Variants in STXBP5 observed in about 807,000 individuals in gnomAD.
STXBP5 encodes syntaxin binding protein 5.
STXBP5 carries 50 observed loss-of-function variants against 152.4 expected under a neutral mutation model. The ratio of observed to expected loss-of-function variants is 0.33; its 90% CI spans 0.26 to 0.42. The LOEUF is 0.42. Among genes scored for constraint, STXBP5 ranks in the 10% least tolerant of loss-of-function variants. The pLI is 1.00. For synonymous variants in STXBP5, 492 were observed against 494.7 expected, an observed-to-expected ratio of 0.99 and a Z score of 0.07; for missense variants, 1,167 against 1,388.6, an observed-to-expected ratio of 0.84 and a Z score of 2.54.
rs550360623 is a variant in STXBP5, at chr6:147,385,724, A to T, written c.*969A>T. On this transcript the variant is annotated 3_prime_UTR_variant, in exon 28 of 28. Transcript: ENST00000321680. The stretch of plus-strand genomic sequence containing the variant: ...TGTACCTTTGCATTCTTTAATTAAA[A>T]TTGCTTAAAAAAAAACTTTCATTAT... The T allele has an allele frequency of 1.3e-5, 2 of 152,190 alleles. No homozygotes were observed. The highest frequency in any genetic ancestry group is 4.1e-4 in the South Asian group (2 of 4,832). The allele number at this position is 152,190 out of a possible 1,614,324, so 9.4% of individuals were successfully genotyped here. A position where few individuals can be genotyped will look rare whatever the true frequency, so the allele number is the denominator to read the frequency against.
rs1374479900 is a variant in STXBP5 at position 147,389,595 on chromosome 6, C to G, written c.*4840C>G. ...TTATAGTGTATGACATGTAAATAAA[C>G]CAGTATTTATTGTAGGTTGTTTGAT... On this transcript the variant is annotated 3_prime_UTR_variant, in exon 28 of 28. Transcript: ENST00000321680. The G allele has an allele frequency of 6.6e-6, 1 of 151,664 alleles. No individual in the cohort carries two copies. Among genetic ancestry groups the G allele is most frequent in the African/African-American group, 2.4e-5 (1 of 41,360 alleles). 9.4% of individuals were successfully genotyped at this position (151,664 alleles called of 1,614,324 possible).
intron 18 of STXBP5, among the ~76,000 whole-genome samples, chr6:147,330,846 T>C (rs534165170): frequency 6.6e-6 from 1 of 152,312 alleles, no homozygotes; most frequent in East Asian, 1.9e-4. Flanking sequence ...CAAACTATTG[T>C]CTGTAGGCCA....
intron 22 of STXBP5, 41 bp from the exon 23 acceptor site, chr6:147,359,043 T>C (rs1784939664): frequency 6.3e-7 from 1 of 1,591,898 alleles, no homozygotes; most frequent in Admixed American, 1.7e-5. Flanking sequence ...ATAACTTCTT[T>C]TATAACTTGA....
Position 147,310,127 on chromosome 6 carries a change from G to A in STXBP5, c.961G>A (p.Val321Ile). 6.3e-7 allele frequency: 1 copy of A among 1,597,396 alleles called. No homozygotes were observed. The highest frequency in any genetic ancestry group is 8.5e-7 in the Non-Finnish European group (1 of 1,174,882). The change falls in exon 10 of 28, where the codon GTA (valine) becomes ATA (isoleucine). Residue 321 changes from valine (V) to isoleucine (I), a missense_variant. Val to Ile is a conservative substitution (Grantham distance 29). This residue lies in a region of STXBP5 where 24 missense variants were observed against 56.2 expected (regional missense o/e 0.43). Coordinates refer to ENST00000321680, the MANE Select transcript of STXBP5 (RefSeq NM_001127715.4). ...ILSGGLSYDT[V>I]GRRPCLTVMH... ...ATCAGGAGGTTTGTCATATGATACT[G>A]TAGGAAGAAGACCTTGCTTAACAGT...
intron 26 of STXBP5, 99 bp downstream of exon 26, chr6:147,373,941 CTTTGTCACAAT>C (rs1170584501): frequency 5.9e-6 from 4 of 675,478 alleles, no homozygotes; most frequent in African/African-American, 1.8e-5. Context: ...CTTTTTTTCT[CTTTGTCACAAT>C]TACTATTTCC....
chr6:147,222,882 C>T (rs935684812), intron 2 of STXBP5, among the ~76,000 whole-genome samples: 25 of 152,146 alleles, frequency 1.6e-4, no homozygotes, highest in African/African-American at 4.1e-4. Context: ...TTTGAGCCTC[C>T]GGCTATTCCT....
chr6:147,343,117 A>G (rs1285223111), intron 21 of STXBP5, among the ~76,000 whole-genome samples: 1 of 152,158 alleles, frequency 6.6e-6, no homozygotes, highest in Non-Finnish European at 1.5e-5. Context: ...TAGAAATAAT[A>G]GCTTCATTTA....
chr6:147,231,308 A>G lies in STXBP5; in HGVS notation c.249-3942A>G, dbSNP rs73582523. ...TCCTGATCTGTTTTAACTTTGTCAC[A>G]TACATCTTCTCTTCATAAATACGCC... On this transcript the variant is annotated intron_variant, in intron 2 of 27. Transcript: ENST00000321680. 4.1e-3 allele frequency among the ~76,000 whole-genome samples: 627 copies of G among 151,884 alleles called. 4 individuals are homozygous for G. Among genetic ancestry groups the G allele is most frequent in the African/African-American group, 0.014 (600 of 41,500 alleles).
intron 7 of STXBP5, among the ~76,000 whole-genome samples, chr6:147,277,718 A>G (rs79726918): frequency 2.0e-5 from 3 of 152,002 alleles, no homozygotes; most frequent in African/African-American, 4.8e-5. Context: ...CATTGCAACT[A>G]GTTTTTCTAT....
chr6:147,327,052 C>G (rs1783296606), intron 17 of STXBP5, 73 bp from the exon 18 acceptor site: 1 of 1,398,262 alleles, frequency 7.2e-7, no homozygotes, highest in Non-Finnish European at 9.8e-7. Flanking sequence ...CTTTCTTCAG[C>G]CTTATAGACT....
At chr6:147,319,168 T>TA (rs886476972) in intron 16 of STXBP5, among the ~76,000 whole-genome samples, 13 of 151,640 alleles carry the variant, frequency 8.6e-5, no homozygotes, top group South Asian at 2.1e-4. Flanking sequence ...TGACAAGAGC[T>TA]AAAAAAAATG....
rs1466346647 is a variant in STXBP5 at position 147,317,354 on chromosome 6, A to T, written c.1802+947A>T. Among the ~76,000 whole-genome samples the T allele has an allele frequency of 2.0e-5, 3 of 152,192 alleles. No homozygotes were observed. The East Asian group carries it at 5.8e-4, about 29-fold the overall frequency. On this transcript the variant is annotated intron_variant, in intron 16 of 27. Transcript: ENST00000321680. ...TTTTTATATTACAATCATTTTAAAA[A>T]TACAGAGTTTTAGAAAATTATATGT...
chr6:147,309,053 T>C (rs930824543), intron 9 of STXBP5, among the ~76,000 whole-genome samples: 2 of 152,112 alleles, frequency 1.3e-5, no homozygotes, highest in Non-Finnish European at 2.9e-5. Context: ...CCAAAGATCA[T>C]ACAGAAATTA....
At chr6:147,216,025 A>G (rs1777147030) in intron 2 of STXBP5, among the ~76,000 whole-genome samples, 1 of 152,164 alleles carries the variant, frequency 6.6e-6, no homozygotes, top group Non-Finnish European at 1.5e-5. Flanking sequence ...AAATATTGTG[A>G]CTTCTTTGAT....
chr6:147,212,800 A>C (rs2115039399), intron 2 of STXBP5, among the ~76,000 whole-genome samples: 1 of 152,316 alleles, frequency 6.6e-6, no homozygotes. Flanking sequence ...TGAATGAACT[A>C]ACACAAATGT....
chr6:147,235,163 T>C, intron 2 of STXBP5, 87 bp from the exon 3 acceptor site: 1 of 1,140,844 alleles, frequency 8.8e-7, no homozygotes, highest in Middle Eastern at 2.0e-4. Context: ...TATGAGGTCA[T>C]TGGAATATTT....
chr6:147,224,479 A>G (rs763219287), intron 2 of STXBP5, among the ~76,000 whole-genome samples: 2 of 152,214 alleles, frequency 1.3e-5, no homozygotes, highest in Non-Finnish European at 1.5e-5. Context: ...TTAAAATAAA[A>G]TTTAAAAATT....
intron 9 of STXBP5, among the ~76,000 whole-genome samples, chr6:147,297,075 T>C (rs1314880775): frequency 1.3e-5 from 2 of 152,222 alleles, no homozygotes; most frequent in Middle Eastern, 3.4e-3. Context: ...TGAAAATTGC[T>C]CAAGTTGGGA....
At chr6:147,259,668 A>G (rs1410278531) in intron 4 of STXBP5, among the ~76,000 whole-genome samples, 2 of 152,142 alleles carry the variant, frequency 1.3e-5, no homozygotes, top group South Asian at 2.1e-4. Flanking sequence ...AGTCATTATT[A>G]TCATTTGTGT....
Sources: allele counts gnomAD v4.1 joint callset (sites outside exome capture counted in the v4.1 genomes callset), GRCh38; gene constraint gnomAD v4.1.1; regional missense constraint gnomAD v4.1.1; transcripts MANE v1.5; gene names NCBI Gene and HGNC (gene_info 2026-07-23, HGNC 2026-07-21).